Variants in UGGT2 observed in about 807,000 individuals in gnomAD.
The protein encoded by UGGT2 is UDP-glucose glycoprotein glucosyltransferase 2, also known as UDP-glucose:glycoprotein glucosyltransferase 2.
UGGT2 carries 180 observed loss-of-function variants against 192.1 expected under a neutral mutation model. The ratio of observed to expected loss-of-function variants is 0.94; its 90% CI spans 0.83 to 1.06. The LOEUF (loss-of-function observed/expected upper bound fraction) is 1.06, where lower values mean the gene tolerates loss of function less well. Ranked by LOEUF, UGGT2 falls within the 50% of genes least tolerant of loss-of-function variation. The probability of loss-of-function intolerance (pLI) is 0.00; values close to 1 mark genes in which losing one functional copy is unlikely to be tolerated. For synonymous variants in UGGT2, 580 were observed against 591.0 expected (o/e 0.98, Z 0.27); for missense variants, 1,849 against 1,795.7 (o/e 1.03, Z -0.54).
At position 95,868,942 on chromosome 13, in the gene UGGT2, T is replaced by A. The variant is rs981018192; in HGVS notation, c.3474-1519A>T. On this transcript the variant is annotated intron_variant, in intron 29 of 38. Transcript: ENST00000376747. Reference sequence around the variant, plus strand: ...GGTACATGTGCACAATGTGCAGGTTTGTTACATATGTATACATGTGCCATG... The same window carrying A: ...GGTACATGTGCACAATGTGCAGGTTAGTTACATATGTATACATGTGCCATG... Among the ~76,000 whole-genome samples, 20 of 152,138 alleles carry A rather than the reference T, an allele frequency of 1.3e-4. No homozygotes were observed. In the East Asian group the frequency reaches 2.1e-3, roughly 16 times the overall value.
chr13:95,849,704 CA>C (rs1888834053), intron 36 of UGGT2, among the ~76,000 whole-genome samples: 1 of 151,604 alleles, frequency 6.6e-6, no homozygotes, highest in African/African-American at 2.4e-5. Context: ...ATTTTTGGTT[CA>C]GGGGTACATG....
intron 1 of UGGT2, among the ~76,000 whole-genome samples, chr13:96,046,206 G>C (rs1169342219): frequency 6.6e-6 from 1 of 151,930 alleles, no homozygotes; most frequent in African/African-American, 2.4e-5. Context: ...ACTGACCTTC[G>C]AGAAAGCAAA....
chr13:95,931,453 G>A (rs1248344110), intron 17 of UGGT2, among the ~76,000 whole-genome samples: 3 of 152,096 alleles, frequency 2.0e-5, no homozygotes, highest in Admixed American at 2.0e-4. Flanking sequence ...CTCAGCCCTT[G>A]AGCGGTCAAT....
rs1458773587 is a variant in UGGT2, at chr13:96,023,080, T to C, written c.445A>G (p.Ile149Val). ...VVIHKKHTCK[I>V]NEIKKLLKKA... Reference sequence around the variant, plus strand: ...TTCAGCAGCTTTTTAATCTCATTAATTTTACAGGTGTGCTTCTTATGAATA... The same window carrying C: ...TTCAGCAGCTTTTTAATCTCATTAACTTTACAGGTGTGCTTCTTATGAATA... The change falls in exon 4 of 39, where the codon ATT (isoleucine) becomes GTT (valine). Residue 149 changes from isoleucine to valine, a missense_variant. Coordinates refer to ENST00000376747, the MANE Select transcript of UGGT2 (RefSeq NM_020121.4). The C allele has an allele frequency of 6.3e-7, 1 of 1,595,070 alleles. No individual in the cohort carries two copies. The highest frequency in any genetic ancestry group is 8.6e-7 in the Non-Finnish European group (1 of 1,169,570).
chr13:96,028,399 T>G (rs2139142655), intron 2 of UGGT2, among the ~76,000 whole-genome samples: 1 of 152,312 alleles, frequency 6.6e-6, no homozygotes, highest in Non-Finnish European at 1.5e-5. Flanking sequence ...CTTCAAGGAC[T>G]TTGAAAATGA....
Position 96,050,083 on chromosome 13 carries a change from T to C in UGGT2, c.158+3072A>G, listed in dbSNP as rs578089970. On this transcript the variant is annotated intron_variant, in intron 1 of 38. Coordinates refer to ENST00000376747, the MANE Select transcript of UGGT2 (RefSeq NM_020121.4). ...CACGCTACCTGACTTCAAACTATAC[T>C]ATAAGGCTACAGTAACCAAAACACC... Among the ~76,000 whole-genome samples the C allele has an allele frequency of 3.3e-5, 5 of 152,300 alleles. No individual in the cohort carries two copies. In the East Asian group the frequency reaches 5.8e-4, roughly 18 times the overall value.
Position 95,863,670 on chromosome 13 carries a change from A to C in UGGT2, c.3603T>G (p.Asp1201Glu). Reference sequence around the variant, plus strand: ...ACAGTCCTTTTGTTTTTTCATCTTCATCGGTAAGGATATCTTCCTTAATTT... The same window carrying C: ...ACAGTCCTTTTGTTTTTTCATCTTCCTCGGTAAGGATATCTTCCTTAATTT... ...TDKIKEDILT[D>E]EDEKTKGLWD... The change falls in exon 31 of 39, where the codon GAT becomes GAG. Residue 1201 changes from aspartate to glutamate, a missense_variant. By Grantham distance (45) the Asp-to-Glu change is conservative. Coordinates refer to ENST00000376747, the MANE Select transcript of UGGT2 (RefSeq NM_020121.4). 1.2e-6 allele frequency: 2 copies of C among 1,612,704 alleles called. No individual in the cohort carries two copies. The highest frequency in any genetic ancestry group is 1.7e-6 in the Non-Finnish European group (2 of 1,179,132).
chr13:96,004,809 A>C (rs1243163858), intron 5 of UGGT2, among the ~76,000 whole-genome samples: 3 of 152,120 alleles, frequency 2.0e-5, no homozygotes, highest in Non-Finnish European at 2.9e-5. Flanking sequence ...ATCCTTATTA[A>C]ACAGCCACCT....
chr13:96,026,322 T>C (rs2052663506), intron 2 of UGGT2, among the ~76,000 whole-genome samples: 1 of 152,116 alleles, frequency 6.6e-6, no homozygotes, highest in African/African-American at 2.4e-5. Context: ...AAACTTTATA[T>C]AACCAAGAAA....
At chr13:95,984,811 ACT>A (rs2051239502) in intron 9 of UGGT2, 1 of 152,188 alleles carries the variant, frequency 6.6e-6, no homozygotes, top group African/African-American at 2.4e-5. Flanking sequence ...TTTAAGGAAA[ACT>A]CAAGTAGAAA....
chr13:95,902,605 T>C (rs996060924), intron 21 of UGGT2, among the ~76,000 whole-genome samples: 1 of 151,886 alleles, frequency 6.6e-6, no homozygotes, highest in East Asian at 1.9e-4. Flanking sequence ...TAAGTACATA[T>C]CCTAACTAGA....
chr13:95,958,655 T>C (rs1398893713), intron 12 of UGGT2, among the ~76,000 whole-genome samples: 1 of 151,872 alleles, frequency 6.6e-6, no homozygotes, highest in African/African-American at 2.4e-5. Flanking sequence ...ATCTGCTACT[T>C]GCCTCTTCCA....
chr13:96,024,536 C>A (rs374370157), intron 2 of UGGT2, among the ~76,000 whole-genome samples: 1 of 152,182 alleles, frequency 6.6e-6, no homozygotes, highest in Non-Finnish European at 1.5e-5. Flanking sequence ...CTGGGTGTAA[C>A]CATTGACTGC....
At chr13:95,827,099 T>G (rs1886124706) in intron 38 of UGGT2, among the ~76,000 whole-genome samples, 2 of 152,146 alleles carry the variant, frequency 1.3e-5, no homozygotes, top group Admixed American at 1.3e-4. Context: ...AGAAATTAAT[T>G]TCTTCCAGTG....
intron 1 of UGGT2, among the ~76,000 whole-genome samples, chr13:96,048,772 C>A (rs1383566218): frequency 6.6e-6 from 1 of 152,108 alleles, no homozygotes; most frequent in Non-Finnish European, 1.5e-5. Context: ...TACACCCTCC[C>A]AAGACTAAAC....
intron 4 of UGGT2, among the ~76,000 whole-genome samples, chr13:96,015,398 A>G (rs889921301): frequency 2.6e-5 from 4 of 152,056 alleles, no homozygotes; most frequent in Admixed American, 2.6e-4. Flanking sequence ...TTACACACAA[A>G]GGTAAGGGCT....
intron 34 of UGGT2, among the ~76,000 whole-genome samples, chr13:95,855,403 T>G (rs2140047205): frequency 6.6e-6 from 1 of 152,162 alleles, no homozygotes; most frequent in African/African-American, 2.4e-5. Flanking sequence ...TCAATTTTTT[T>G]TTCCCACTAA....
chr13:96,001,590 G>T (rs2139019391), intron 5 of UGGT2, among the ~76,000 whole-genome samples: 2 of 152,260 alleles, frequency 1.3e-5, no homozygotes, highest in South Asian at 4.1e-4. Flanking sequence ...CACAACAGAT[G>T]GGCATAGCTC....
intron 17 of UGGT2, among the ~76,000 whole-genome samples, chr13:95,931,997 G>GCC (rs1451778697): frequency 1.3e-5 from 2 of 152,194 alleles, no homozygotes; most frequent in East Asian, 1.9e-4. Context: ...CTCTCAATAT[G>GCC]ATGCCTTCAG....
Sources: gnomAD v4.1 joint callset for allele counts (sites outside exome capture counted in the v4.1 genomes callset) on GRCh38, gnomAD v4.1.1 for gene constraint, MANE v1.5 for transcripts, NCBI Gene and HGNC (gene_info 2026-07-23, HGNC 2026-07-21) for gene names.